Variants in IL16 observed in about 807,000 individuals in gnomAD.
IL16 encodes the protein interleukin 16.
A neutral mutation model predicts 110.1 loss-of-function variants in IL16; 67 were observed. That is an observed-to-expected ratio of 0.61 (90% CI 0.50 to 0.75). The LOEUF is 0.75. IL16 is among the 30% of genes least tolerant of loss of function. The pLI, the probability that IL16 is intolerant of heterozygous loss-of-function variation, is 0.00. For missense variants in IL16, 1,545 were observed against 1,655.0 expected (o/e 0.93, Z 1.15); for synonymous variants, 689 against 662.9 (o/e 1.04, Z -0.61).
intron 12 of IL16, chr15:81,295,380 T>C: frequency 8.0e-7 from 1 of 1,253,746 alleles, no homozygotes; most frequent in Non-Finnish European, 1.0e-6. Context: ...TTGGATGTGT[T>C]GATGAAAAGA....
intron 1 of IL16, among the ~76,000 whole-genome samples, chr15:81,189,660 GA>G (rs1895469372): frequency 6.6e-6 from 1 of 152,142 alleles, no homozygotes; most frequent in Non-Finnish European, 1.5e-5. Flanking sequence ...GCCAAGCCTT[GA>G]AAAACATACA....
chr15:81,305,690 G>A, intron 16 of IL16: 1 of 585,884 alleles, frequency 1.7e-6, no homozygotes. Context: ...GGATTCTGAG[G>A]GCTTACCTGG....
rs1387613913 is a variant in IL16, at chr15:81,313,338, T to A, written c.*4540T>A. 1.3e-6 allele frequency: 2 copies of A among 1,581,252 alleles called. No individual in the cohort carries two copies. Among genetic ancestry groups the A allele is most frequent in the Non-Finnish European group, 1.7e-6 (2 of 1,164,180 alleles). Reference sequence around the variant, plus strand: ...GCGGGGGAAGAAGGAGTCCACCACGTTCTGTGGGAGGTAACCGCTGAGGTC... The same window carrying A: ...GCGGGGGAAGAAGGAGTCCACCACGATCTGTGGGAGGTAACCGCTGAGGTC... On this transcript the variant is annotated 3_prime_UTR_variant, in exon 19 of 19. Transcript: ENST00000683961.
At chr15:81,202,326 C>T (rs62035267) in intron 1 of IL16, among the ~76,000 whole-genome samples, 4,156 of 152,228 alleles carry the variant, frequency 0.027, 81 homozygotes, top group Middle Eastern at 0.048. Context: ...GTTCTCAGAG[C>T]ACAGACAGCT....
At chr15:81,301,780 G>A (rs1900301259) in intron 15 of IL16, among the ~76,000 whole-genome samples, 1 of 152,192 alleles carries the variant, frequency 6.6e-6, no homozygotes, top group African/African-American at 2.4e-5. Context: ...GCTCAATCAA[G>A]GTTACAGAAC....
chr15:81,305,408 A>C (rs1418331358), intron 16 of IL16, among the ~76,000 whole-genome samples: 1 of 152,156 alleles, frequency 6.6e-6, no homozygotes, highest in Non-Finnish European at 1.5e-5. Flanking sequence ...TCATACCTGT[A>C]ATTCCAACAC....
chr15:81,303,215 G>T lies in IL16; in HGVS notation c.3319-334G>T. The T allele has an allele frequency of 5.2e-6, 1 of 192,328 alleles. No homozygotes were observed. Among genetic ancestry groups the T allele is most frequent in the Non-Finnish European group, 1.1e-5 (1 of 94,064 alleles). The allele number at this position is 192,328 out of a possible 1,614,324, so 11.9% of individuals were successfully genotyped here. On this transcript the variant is annotated intron_variant, in intron 15 of 18. Coordinates refer to ENST00000683961, the MANE Select transcript of IL16 (RefSeq NM_172217.5). This position sits in a 1 kb window ranked among gnomAD's most constrained non-coding sequence, Gnocchi z 4.1. ...TTTTTTTTGTTTTGTTTTACCTGAAGTCCTACAACCTGACTTCATCTCACA... is the reference window on the plus strand; with the variant it reads ...TTTTTTTTGTTTTGTTTTACCTGAATTCCTACAACCTGACTTCATCTCACA...
rs1900837023 is a variant in IL16, at chr15:81,311,253, C to T, written c.*2455C>T. Reference sequence around the variant, plus strand: ...AACTCACCATAAAAAGGAATCCACTCCCAGGCAGCCCTACTTCTTTGCTTT... The same window carrying T: ...AACTCACCATAAAAAGGAATCCACTTCCAGGCAGCCCTACTTCTTTGCTTT... On this transcript the variant is annotated 3_prime_UTR_variant, in exon 19 of 19. Transcript: ENST00000683961. 1 of 152,248 alleles carries T rather than the reference C, an allele frequency of 6.6e-6. No individual in the cohort carries two copies. Among genetic ancestry groups the T allele is most frequent in the African/African-American group, 2.4e-5 (1 of 41,460 alleles). 9.4% of individuals were successfully genotyped at this position (152,248 alleles called of 1,614,324 possible).
intron 5 of IL16, among the ~76,000 whole-genome samples, chr15:81,269,870 C>T (rs1382663582): frequency 1.4e-4 from 21 of 152,228 alleles, no homozygotes; most frequent in Admixed American, 6.5e-5. Context: ...TAAAGGATGC[C>T]AGTCCCTGCC....
intron 5 of IL16, among the ~76,000 whole-genome samples, chr15:81,271,628 C>T (rs930663070): frequency 4.6e-5 from 7 of 152,278 alleles, no homozygotes; most frequent in African/African-American, 1.7e-4. Flanking sequence ...TTAACCATGA[C>T]GCCATCCTGA....
rs758946268 is a variant in IL16 at position 81,313,358 on chromosome 15, G to C, written c.*4560G>C. The C allele has an allele frequency of 1.3e-6, 2 of 1,583,824 alleles. No individual in the cohort carries two copies. The highest frequency in any genetic ancestry group is 2.4e-5 in the South Asian group (2 of 85,054). Reference sequence around the variant, plus strand: ...CCACGTTCTGTGGGAGGTAACCGCTGAGGTCGGTATGGAAGAATGTGACCA... The same window carrying C: ...CCACGTTCTGTGGGAGGTAACCGCTCAGGTCGGTATGGAAGAATGTGACCA... On this transcript the variant is annotated 3_prime_UTR_variant, in exon 19 of 19. Transcript: ENST00000683961.
intron 1 of IL16, among the ~76,000 whole-genome samples, chr15:81,185,218 T>G (rs1387197439): frequency 6.6e-6 from 1 of 152,212 alleles, no homozygotes; most frequent in Non-Finnish European, 1.5e-5. Flanking sequence ...AAGAGCTATG[T>G]AATGTTGCCC....
chr15:81,234,653 A>C (rs943767842), intron 2 of IL16, among the ~76,000 whole-genome samples: 2 of 152,082 alleles, frequency 1.3e-5, no homozygotes, highest in African/African-American at 4.8e-5. Context: ...CATTAATTTA[A>C]ATGTTTACAT....
chr15:81,217,989 G>A (rs999244303), intron 1 of IL16, among the ~76,000 whole-genome samples: 1 of 152,104 alleles, frequency 6.6e-6, no homozygotes, highest in African/African-American at 2.4e-5. Context: ...ATCCTGTATT[G>A]TCATCATGAT....
intron 3 of IL16, among the ~76,000 whole-genome samples, chr15:81,264,569 C>A (rs987332717): frequency 5.3e-5 from 8 of 152,204 alleles, no homozygotes; most frequent in African/African-American, 1.9e-4. Flanking sequence ...ACCAATCTTA[C>A]CTTTTCCTCT....
chr15:81,297,210 C>T (rs371305764), intron 13 of IL16, 132 bp downstream of exon 13: 2 of 866,360 alleles, frequency 2.3e-6, no homozygotes. Context: ...GGCTGATCAA[C>T]AGTCAAGGGT....
chr15:81,197,181 C>T (rs1035786285), intron 1 of IL16, 29 bp downstream of exon 1: 1 of 1,281,400 alleles, frequency 7.8e-7, no homozygotes, highest in Non-Finnish European at 1.0e-6. Flanking sequence ...GGCAGCTGCT[C>T]TGTCCAGGTG....
intron 1 of IL16, among the ~76,000 whole-genome samples, chr15:81,222,431 G>C (rs536187671): frequency 2.7e-5 from 4 of 150,346 alleles, no homozygotes; most frequent in Non-Finnish European, 4.4e-5. Flanking sequence ...AACTGCATAG[G>C]TCAATGCAGT....
chr15:81,272,580 G>A (rs1898689335), intron 5 of IL16, among the ~76,000 whole-genome samples: 1 of 152,234 alleles, frequency 6.6e-6, no homozygotes, highest in African/African-American at 2.4e-5. Context: ...TCCTTGAGAA[G>A]GGGATTGAGA....
Sources: gnomAD v4.1 joint callset for allele counts (sites outside exome capture counted in the v4.1 genomes callset) on GRCh38, gnomAD v4.1.1 for gene constraint, Gnocchi (gnomAD v3.1) non-coding constraint, MANE v1.5 for transcripts, NCBI Gene and HGNC (gene_info 2026-07-23, HGNC 2026-07-21) for gene names.